The following THAP1 variants were observed in gnomAD, a reference collection of about 807,000 sequenced individuals.
THAP1 encodes the protein THAP domain-containing protein 1.
THAP1 carries 6 observed loss-of-function variants against 18.2 expected under a neutral mutation model. That is an observed-to-expected ratio of 0.33 (90% CI 0.18 to 0.65). The LOEUF (loss-of-function observed/expected upper bound fraction) is 0.65, where lower values mean the gene tolerates loss of function less well. Among genes scored for constraint, THAP1 ranks in the 30% least tolerant of loss-of-function variants. The pLI is 0.74. For synonymous variants in THAP1, 85 were observed against 90.5 expected (o/e 0.94, Z 0.34); for missense variants, 176 against 253.0 (o/e 0.70, Z 2.06).
Position 42,843,111 on chromosome 8 carries a change from C to T in THAP1, c.-17G>A, listed in dbSNP as rs1368499252. 1.5e-5 allele frequency: 24 copies of T among 1,613,440 alleles called. No homozygotes were observed. The highest frequency in any genetic ancestry group is 1.7e-4 in the Middle Eastern group (1 of 6,058). On this transcript the variant is annotated 5_prime_UTR_variant, in exon 1 of 3. Coordinates refer to ENST00000254250, the MANE Select transcript of THAP1 (RefSeq NM_018105.3). ...CTGCACCATCCTTCCGGTCCTCAGGCACTTCACTTCTGCCGCCGCAGAAGG... is the reference window on the plus strand; with the variant it reads ...CTGCACCATCCTTCCGGTCCTCAGGTACTTCACTTCTGCCGCCGCAGAAGG...
Position 42,843,084 on chromosome 8 carries a change from G to A in THAP1, c.11C>T (p.Ser4Phe). Residue 4 changes from serine to phenylalanine, a missense_variant, in exon 1 of 3, where the codon TCC becomes TTC. Transcript: ENST00000254250. MVQ[S>F]CSAYGCKNRY... ...GTTCTTGCAGCCGTAGGCGGAGCAG[G>A]ACTGCACCATCCTTCCGGTCCTCAG... 1 of 1,613,872 alleles carries A rather than the reference G, an allele frequency of 6.2e-7. No individual in the cohort carries two copies. Among genetic ancestry groups the A allele is most frequent in the Non-Finnish European group, 8.5e-7 (1 of 1,179,888 alleles).
At chr8:42,839,162 C>A in intron 2 of THAP1, 24 bp downstream of exon 2, 1 of 1,613,086 alleles carries the variant, frequency 6.2e-7, no homozygotes. Flanking sequence ...AAAAAGCAAC[C>A]CAATATTTTA....
chr8:42,842,970 C>T, intron 1 of THAP1, 54 bp downstream of exon 1: 2 of 1,426,902 alleles, frequency 1.4e-6, no homozygotes, highest in Non-Finnish European at 1.8e-6. Context: ...CCCCGCCGGC[C>T]GCGCGCCCCC....
chr8:42,838,263 G>GC lies in THAP1; in HGVS notation c.340dup (p.Ala114GlyfsTer15), dbSNP rs779964974. ...AGGCGGCATTAGTAATCCAATAGCA[G>GC]CATCAACCTGGGAAACAGGAGGCGG... On this transcript the variant is annotated frameshift_variant, in exon 3 of 3. Transcript: ENST00000254250. LOFTEE classifies it high-confidence loss of function. The GC allele has an allele frequency of 6.2e-7, 1 of 1,614,062 alleles. No homozygotes were observed. The highest frequency in any genetic ancestry group is 1.1e-5 in the South Asian group (1 of 91,070).
intron 2 of THAP1, 129 bp downstream of exon 2, chr8:42,839,057 A>G: frequency 1.0e-6 from 1 of 952,960 alleles, no homozygotes; most frequent in Non-Finnish European, 1.6e-6. Context: ...TCAGAAGTGT[A>G]TCACTGTTAA....
chr8:42,842,945 T>A, intron 1 of THAP1, 79 bp downstream of exon 1: 15 of 773,392 alleles, frequency 1.9e-5, no homozygotes, highest in Non-Finnish European at 2.2e-5. Context: ...GACACGCGCC[T>A]GGCTCCGCCC....
rs1025927417 is a variant in THAP1, at chr8:42,837,923, G to A, written c.*39C>T. 2 of 1,602,522 alleles carry A rather than the reference G, an allele frequency of 1.2e-6. No individual in the cohort carries two copies. The highest frequency in any genetic ancestry group is 1.7e-6 in the Non-Finnish European group (2 of 1,177,008). On this transcript the variant is annotated 3_prime_UTR_variant, in exon 3 of 3. Coordinates refer to ENST00000254250, the MANE Select transcript of THAP1 (RefSeq NM_018105.3). ...CTTTACAGGCTAGAGGAGGATATGTGGTATTGCCCCATTAGAAATCAATAC... is the reference window on the plus strand; with the variant it reads ...CTTTACAGGCTAGAGGAGGATATGTAGTATTGCCCCATTAGAAATCAATAC...
In THAP1 at chr8:42,837,814, C is replaced by T. The variant is rs191034081; in HGVS notation, c.*148G>A. ...ACAAACAAAAAAATTTATAATTTTA[C>T]AGTATATATAGAATTTTTTTTAAAA... On this transcript the variant is annotated 3_prime_UTR_variant, in exon 3 of 3. Coordinates refer to ENST00000254250, the MANE Select transcript of THAP1 (RefSeq NM_018105.3). 3.9e-4 allele frequency: 277 copies of T among 708,216 alleles called. 1 individual carries two copies. In the African/African-American group the frequency reaches 4.8e-3, roughly 12 times the overall value. 43.9% of individuals were successfully genotyped at this position (708,216 alleles called of 1,614,324 possible).
At chr8:42,838,953 T>G (rs570414218) in intron 2 of THAP1, among the ~76,000 whole-genome samples, 2 of 152,218 alleles carry the variant, frequency 1.3e-5, no homozygotes, top group East Asian at 3.8e-4. Flanking sequence ...AATATATAAC[T>G]GGCAGTACAG....
At chr8:42,840,965 CAAAAA>C (rs1029278824) in intron 1 of THAP1, among the ~76,000 whole-genome samples, 4 of 47,060 alleles carry the variant, frequency 8.5e-5, no homozygotes, top group Admixed American at 2.4e-4. Context: ...GACTCCATCT[CAAAAA>C]AAAAAAAAAA....
chr8:42,838,560 G>A (rs1006368894), intron 2 of THAP1, among the ~76,000 whole-genome samples: 44 of 152,042 alleles, frequency 2.9e-4, no homozygotes, highest in Non-Finnish European at 4.4e-4. Flanking sequence ...GGTGGTGCAC[G>A]CCTATAATCC....
intron 1 of THAP1, among the ~76,000 whole-genome samples, chr8:42,841,883 T>C (rs1037105798): frequency 6.6e-6 from 1 of 152,078 alleles, no homozygotes; most frequent in Non-Finnish European, 1.5e-5. Context: ...CTCTCTATGT[T>C]CTACACACTC....
At chr8:42,842,880 C>G (rs1311788443) in intron 1 of THAP1, 144 bp downstream of exon 1, 1 of 558,824 alleles carries the variant, frequency 1.8e-6, no homozygotes, top group South Asian at 8.2e-5. Flanking sequence ...CCCAGCGGGA[C>G]GCGGTGGGAA....
intron 1 of THAP1, among the ~76,000 whole-genome samples, chr8:42,841,917 C>G (rs952326861): frequency 2.0e-5 from 3 of 152,158 alleles, no homozygotes; most frequent in African/African-American, 7.2e-5. Flanking sequence ...GTCCATCTCA[C>G]ATGATATCAA....
intron 1 of THAP1, among the ~76,000 whole-genome samples, chr8:42,840,370 G>A (rs975099152): frequency 1.3e-5 from 2 of 152,066 alleles, no homozygotes; most frequent in African/African-American, 2.4e-5. Context: ...AGATAATAAC[G>A]AAAGAATTTA....
intron 1 of THAP1, among the ~76,000 whole-genome samples, chr8:42,840,965 C>CA (rs1029278824): frequency 0.098 from 4,485 of 45,898 alleles, 258 homozygotes; most frequent in African/African-American, 0.19. Flanking sequence ...GACTCCATCT[C>CA]AAAAAAAAAA....
rs1355452437 is a variant in THAP1 at position 42,837,816 on chromosome 8, GTATA to G, written c.*142_*145del. 1.5e-5 allele frequency: 12 copies of G among 803,908 alleles called. No homozygotes were observed. The highest frequency in any genetic ancestry group is 1.2e-4 in the South Asian group (4 of 32,812). The allele number at this position is 803,908 out of a possible 1,614,324, so 49.8% of individuals were successfully genotyped here. A position where few individuals can be genotyped will look rare whatever the true frequency, so the allele number is the denominator to read the frequency against. On this transcript the variant is annotated 3_prime_UTR_variant, in exon 3 of 3. Coordinates refer to ENST00000254250, the MANE Select transcript of THAP1 (RefSeq NM_018105.3). ...AAACAAAAAAATTTATAATTTTACA[GTATA>G]TATAGAATTTTTTTTAAAAAAATAT...
At chr8:42,839,502 T>A in intron 1 of THAP1, 121 bp from the exon 2 acceptor site, 1 of 1,035,378 alleles carries the variant, frequency 9.7e-7, no homozygotes, top group Non-Finnish European at 1.4e-6. Flanking sequence ...TGTATTATCC[T>A]ATTGGATTAA....
In THAP1 at chr8:42,837,826, A is replaced by G; in HGVS notation, c.*136T>C. 1 of 952,054 alleles carries G rather than the reference A, an allele frequency of 1.1e-6. No individual in the cohort carries two copies. The highest frequency in any genetic ancestry group is 2.5e-5 in the South Asian group (1 of 40,290). 59.0% of individuals were successfully genotyped at this position (952,054 alleles called of 1,614,324 possible). On this transcript the variant is annotated 3_prime_UTR_variant, in exon 3 of 3. Transcript: ENST00000254250. Reference sequence around the variant, plus strand: ...ATTTATAATTTTACAGTATATATAGAATTTTTTTTAAAAAAATATTCTGAA... The same window carrying G: ...ATTTATAATTTTACAGTATATATAGGATTTTTTTTAAAAAAATATTCTGAA...
Sources: gnomAD v4.1 joint callset for allele counts (sites outside exome capture counted in the v4.1 genomes callset) on GRCh38, gnomAD v4.1.1 for gene constraint, MANE v1.5 for transcripts, NCBI Gene and HGNC (gene_info 2026-07-23, HGNC 2026-07-21) for gene names.